The following HSD17B3 variants were observed in gnomAD, a reference collection of about 807,000 sequenced individuals.
HSD17B3 encodes the protein hydroxysteroid 17-beta dehydrogenase 3.
In HSD17B3, 29 loss-of-function variants were observed where a neutral mutation model predicts 41.1. The observed-to-expected ratio is 0.71, with a 90% confidence interval of 0.53 to 0.96. The LOEUF (loss-of-function observed/expected upper bound fraction) is 0.96, where lower values mean the gene tolerates loss of function less well. Ranked by LOEUF, HSD17B3 falls within the 40% of genes least tolerant of loss-of-function variation. The pLI is 0.00. For synonymous variants in HSD17B3, 126 were observed against 145.6 expected, an observed-to-expected ratio of 0.87 and a Z score of 0.97; for missense variants, 323 against 374.6, an observed-to-expected ratio of 0.86 and a Z score of 1.14.
chr9:96,246,389 C>A lies in HSD17B3; in HGVS notation c.524+167G>T, dbSNP rs1035418056. Reference sequence around the variant, plus strand: ...TTGTCTGTCTGCAGAGCTGGCCTGGCCCAGAACGTTATGTTTTTTTTCCCA... The same window carrying A: ...TTGTCTGTCTGCAGAGCTGGCCTGGACCAGAACGTTATGTTTTTTTTCCCA... On this transcript the variant is annotated intron_variant, in intron 7 of 10. Coordinates refer to ENST00000375263, the MANE Select transcript of HSD17B3 (RefSeq NM_000197.2). The A allele has an allele frequency of 2.3e-5, 16 of 701,314 alleles. No individual in the cohort carries two copies. The African/African-American group carries it at 2.6e-4, about 11-fold the overall frequency. The allele number at this position is 701,314 out of a possible 1,614,324, so 43.4% of individuals were successfully genotyped here.
rs760984744 is a variant in HSD17B3 at position 96,244,310 on chromosome 9, C to T, written c.672+19G>A. ...CCTCACCTGGATGATGACAAGGACTCCACAGCTGCCCACCTCACCTGGATG... is the reference window on the plus strand; with the variant it reads ...CCTCACCTGGATGATGACAAGGACTTCACAGCTGCCCACCTCACCTGGATG... On this transcript the variant is annotated intron_variant, in intron 9 of 10. Coordinates refer to ENST00000375263, the MANE Select transcript of HSD17B3 (RefSeq NM_000197.2). 6 of 1,613,134 alleles carry T rather than the reference C, an allele frequency of 3.7e-6. No individual in the cohort carries two copies. Among genetic ancestry groups the T allele is most frequent in the Non-Finnish European group, 5.1e-6 (6 of 1,179,230 alleles).
intron 2 of HSD17B3, among the ~76,000 whole-genome samples, chr9:96,280,209 G>C (rs998984114): frequency 1.3e-5 from 2 of 152,176 alleles, no homozygotes; most frequent in African/African-American, 4.8e-5. Context: ...GGTTAACTTA[G>C]GAATGCCCTT....
At chr9:96,274,391 G>A (rs1379088691) in intron 2 of HSD17B3, among the ~76,000 whole-genome samples, 1 of 152,186 alleles carries the variant, frequency 6.6e-6, no homozygotes, top group Non-Finnish European at 1.5e-5. Flanking sequence ...AATCCGGGAG[G>A]CAGAGGCTGC....
chr9:96,242,336 G>A (rs1162525326), intron 9 of HSD17B3, among the ~76,000 whole-genome samples: 1 of 152,148 alleles, frequency 6.6e-6, no homozygotes, highest in Non-Finnish European at 1.5e-5. Context: ...CAAAATAGGG[G>A]CTCAATAAAT....
intron 2 of HSD17B3, among the ~76,000 whole-genome samples, chr9:96,288,535 C>T (rs1034105905): frequency 5.9e-5 from 9 of 152,030 alleles, no homozygotes; most frequent in African/African-American, 1.9e-4. Context: ...AATCCTAGAG[C>T]CTTGGGAGGC....
chr9:96,281,551 AAAAGTCCCTCTCGT>A (rs1564055179), intron 2 of HSD17B3, among the ~76,000 whole-genome samples: 1 of 152,160 alleles, frequency 6.6e-6, no homozygotes, highest in African/African-American at 2.4e-5. Context: ...CCCCTCTCAG[AAAAGTCCCTCTCGT>A]AAAGTCCCTC....
At chr9:96,298,337 A>T (rs1317747517) in intron 2 of HSD17B3, 79 bp downstream of exon 2, 7 of 1,121,942 alleles carry the variant, frequency 6.2e-6, no homozygotes, top group Non-Finnish European at 9.6e-6. Context: ...ATATTCAAAA[A>T]TCTAGTGTTG....
At position 96,254,811 on chromosome 9, in the gene HSD17B3, G is replaced by A. The variant is rs567511002; in HGVS notation, c.277+57C>T. 5 of 1,438,184 alleles carry A rather than the reference G, an allele frequency of 3.5e-6. No homozygotes were observed. The South Asian group carries it at 4.6e-5, about 13-fold the overall frequency. The allele number at this position is 1,438,184 out of a possible 1,614,324, so 89.1% of individuals were successfully genotyped here. ...CCAAGTACATCAACTGGCATGGTGG[G>A]AGCAGGCTTGGTTGGAGGGCTCCAC... On this transcript the variant is annotated intron_variant, in intron 3 of 10. Transcript: ENST00000375263.
At chr9:96,295,908 C>G (rs1317748406) in intron 2 of HSD17B3, among the ~76,000 whole-genome samples, 1 of 152,024 alleles carries the variant, frequency 6.6e-6, no homozygotes, top group Non-Finnish European at 1.5e-5. Flanking sequence ...AGGAGGTAAT[C>G]AGGTCATGAG....
intron 9 of HSD17B3, among the ~76,000 whole-genome samples, chr9:96,242,130 T>C (rs1836483394): frequency 1.3e-5 from 2 of 152,226 alleles, no homozygotes; most frequent in East Asian, 1.9e-4. Flanking sequence ...ATGAATCAAT[T>C]AATCCAAATG....
intron 10 of HSD17B3, among the ~76,000 whole-genome samples, chr9:96,238,860 C>T (rs1411264958): frequency 2.0e-5 from 3 of 152,148 alleles, no homozygotes; most frequent in Non-Finnish European, 4.4e-5. Flanking sequence ...AAAGAAGGGG[C>T]CATGGCCCCC....
intron 2 of HSD17B3, among the ~76,000 whole-genome samples, chr9:96,258,954 G>A (rs1825763253): frequency 6.6e-6 from 1 of 152,156 alleles, no homozygotes; most frequent in Non-Finnish European, 1.5e-5. Flanking sequence ...TCACATTTGG[G>A]AACCCATTCA....
rs1000942724 is a variant in HSD17B3 at position 96,254,791 on chromosome 9, T to C, written c.277+77A>G. 4.8e-6 allele frequency: 6 copies of C among 1,252,580 alleles called. No homozygotes were observed. In the African/African-American group the frequency reaches 5.9e-5, roughly 12 times the overall value. 77.6% of individuals were successfully genotyped at this position (1,252,580 alleles called of 1,614,324 possible). On this transcript the variant is annotated intron_variant, in intron 3 of 10. Transcript: ENST00000375263. ...TGAGAGCAGATGTGGGGATGCCAAG[T>C]ACATCAACTGGCATGGTGGGAGCAG...
chr9:96,264,675 C>A (rs573993701), intron 2 of HSD17B3, among the ~76,000 whole-genome samples: 2 of 152,150 alleles, frequency 1.3e-5, no homozygotes, highest in Non-Finnish European at 2.9e-5. Context: ...GTCCAGCCCC[C>A]ACACTGCGTC....
At position 96,260,533 on chromosome 9, in the gene HSD17B3, T is replaced by C. The variant is rs184722569; in HGVS notation, c.202-5590A>G. ...AATTATAATAACCCGTTCCCAAAAC[T>C]CAATCACCTTGGTAAAGCTAATGAA... On this transcript the variant is annotated intron_variant, in intron 2 of 10. Transcript: ENST00000375263. Among the ~76,000 whole-genome samples the C allele has an allele frequency of 4.6e-5, 7 of 152,284 alleles. No individual in the cohort carries two copies. The East Asian group carries it at 1.4e-3, about 29-fold the overall frequency.
Position 96,240,916 on chromosome 9 carries a change from G to C in HSD17B3, c.673-9C>G, listed in dbSNP as rs764566339. 1 of 1,613,994 alleles carries C rather than the reference G, an allele frequency of 6.2e-7. No homozygotes were observed. Among genetic ancestry groups the C allele is most frequent in the Non-Finnish European group, 8.5e-7 (1 of 1,179,992 alleles). On this transcript the variant is annotated splice_polypyrimidine_tract_variant and intron_variant, in intron 9 of 10. Coordinates refer to ENST00000375263, the MANE Select transcript of HSD17B3 (RefSeq NM_000197.2). ...GCATATGGGGTCAGCACCTACAACGGGAAACAAAGACCATGGCACAGAAGC... is the reference window on the plus strand; with the variant it reads ...GCATATGGGGTCAGCACCTACAACGCGAAACAAAGACCATGGCACAGAAGC...
At chr9:96,301,624 T>C (rs1409862168) in intron 1 of HSD17B3, among the ~76,000 whole-genome samples, 2 of 150,750 alleles carry the variant, frequency 1.3e-5, no homozygotes, top group Admixed American at 1.3e-4. Context: ...GGCAGGAGAA[T>C]TGCTTGAACC....
At chr9:96,284,879 A>C (rs1038058624) in intron 2 of HSD17B3, among the ~76,000 whole-genome samples, 15 of 149,512 alleles carry the variant, frequency 1.0e-4, no homozygotes, top group African/African-American at 3.7e-4. Context: ...TGCTCTGTCG[A>C]CCAGGCTGGA....
chr9:96,246,455 A>T, intron 7 of HSD17B3, 101 bp downstream of exon 7: 1 of 1,042,596 alleles, frequency 9.6e-7, no homozygotes, highest in Non-Finnish European at 1.5e-6. Context: ...ATCGTTTGTT[A>T]AAGCACAGCC....
Sources: gnomAD v4.1 joint callset for allele counts (sites outside exome capture counted in the v4.1 genomes callset) on GRCh38, gnomAD v4.1.1 for gene constraint, MANE v1.5 for transcripts, NCBI Gene and HGNC (gene_info 2026-07-23, HGNC 2026-07-21) for gene names.